Variants in MIER2 observed in about 807,000 individuals in gnomAD.
MIER2 encodes the protein MIER family member 2.
Under a neutral mutation model 67.6 loss-of-function variants are expected in MIER2, and 30 were observed. The ratio of observed to expected loss-of-function variants is 0.44; its 90% confidence interval spans 0.33 to 0.60. The LOEUF is 0.60. MIER2 is among the 20% of genes least tolerant of loss of function. The pLI is 0.02. For synonymous variants in MIER2, 372 were observed against 312.6 expected, an observed-to-expected ratio of 1.19 and a Z score of -2.00; for missense variants, 702 against 745.1, an observed-to-expected ratio of 0.94 and a Z score of 0.67.
At chr19:326,652 C>A (rs535915589) in intron 5 of MIER2, 54 bp from the exon 6 acceptor site, 1 of 1,388,808 alleles carries the variant, frequency 7.2e-7, no homozygotes, top group Admixed American at 1.7e-5. Flanking sequence ...GCAGCCTATA[C>A]AACCCCTTCT....
intron 5 of MIER2, 47 bp from the exon 6 acceptor site, chr19:326,645 G>A: frequency 6.9e-7 from 1 of 1,449,400 alleles, no homozygotes; most frequent in Non-Finnish European, 9.7e-7. Flanking sequence ...ACTGCCTGCA[G>A]CCTATACAAC....
intron 7 of MIER2, among the ~76,000 whole-genome samples, chr19:316,282 T>C (rs1338553295): frequency 6.6e-6 from 1 of 151,382 alleles, no homozygotes; most frequent in African/African-American, 2.4e-5. Flanking sequence ...AATGTTATCA[T>C]CTTGTGATAT....
Position 306,686 on chromosome 19 carries a change from G to A in MIER2, c.*4C>T, listed in dbSNP as rs1970665932. Reference sequence around the variant, plus strand: ...GGGCCGCATACGCCGCCCGCGGCCAGGAGTCAGCAGGTCATCACGTTACAG... The same window carrying A: ...GGGCCGCATACGCCGCCCGCGGCCAAGAGTCAGCAGGTCATCACGTTACAG... On this transcript the variant is annotated 3_prime_UTR_variant, in exon 14 of 14. Coordinates refer to ENST00000264819, the MANE Select transcript of MIER2 (RefSeq NM_017550.3). The A allele has an allele frequency of 6.4e-7, 1 of 1,558,348 alleles. No homozygotes were observed. Among genetic ancestry groups the A allele is most frequent in the East Asian group, 2.4e-5 (1 of 41,220 alleles).
At chr19:326,920 T>C in intron 5 of MIER2, 1 of 640,458 alleles carries the variant, frequency 1.6e-6, no homozygotes, top group Non-Finnish European at 2.6e-6. Context: ...TGTTCCCTAC[T>C]TGTTTAAACC....
chr19:331,479 G>A (rs529688852), intron 3 of MIER2, among the ~76,000 whole-genome samples: 2 of 151,982 alleles, frequency 1.3e-5, no homozygotes, highest in African/African-American at 2.4e-5. Flanking sequence ...ACCAACCCTA[G>A]CAACATAGCA....
chr19:310,646 A>C, intron 10 of MIER2, among the ~76,000 whole-genome samples: 1 of 79,668 alleles, frequency 1.3e-5, no homozygotes, highest in African/African-American at 7.2e-5. Context: ...AACAGCCCAG[A>C]GTCCAGAAAC....
intron 10 of MIER2, among the ~76,000 whole-genome samples, chr19:310,610 A>G (rs754258084): frequency 0.17 from 8,676 of 50,566 alleles, 153 homozygotes; most frequent in African/African-American, 0.37. Flanking sequence ...GCCGGGAGCT[A>G]TAGAAACACA....
chr19:339,652 G>A (rs955918595), intron 1 of MIER2, among the ~76,000 whole-genome samples: 16 of 152,308 alleles, frequency 1.1e-4, no homozygotes, highest in East Asian at 1.9e-4. Flanking sequence ...AAAGAAGGAC[G>A]CACTGACACA....
intron 10 of MIER2, among the ~76,000 whole-genome samples, chr19:309,542 C>T (rs192454078): frequency 6.6e-6 from 1 of 152,088 alleles, no homozygotes; most frequent in East Asian, 1.9e-4. Context: ...GCCAAACACA[C>T]ATGCACACAG....
At chr19:344,292 A>T in intron 1 of MIER2, 2 of 984,724 alleles carry the variant, frequency 2.0e-6, no homozygotes, top group Non-Finnish European at 2.4e-6. Context: ...CGGGCGGCGG[A>T]GGCGCGGTGG....
Position 307,480 on chromosome 19 carries a change from C to G in MIER2, c.1255G>C (p.Asp419His). The stretch of plus-strand genomic sequence containing the variant: ...CCTGGCTCCGAGGACGGGAGTCCAT[C>G]AGAGGCCACTCCGGGCTCATCGAGA... ...GGLDEPGVAS[D>H]GLPSSEPGPC... Residue 419 changes from aspartate (D) to histidine (H), a missense_variant, in exon 13 of 14, where the codon GAT becomes CAT. Physicochemically the swap from Asp to His is moderately conservative, Grantham distance 81 (BLOSUM62 -1). Transcript: ENST00000264819. The G allele has an allele frequency of 6.5e-7, 1 of 1,548,442 alleles. No individual in the cohort carries two copies. Among genetic ancestry groups the G allele is most frequent in the Non-Finnish European group, 8.7e-7 (1 of 1,150,542 alleles).
chr19:328,342 T>C (rs1457798113), intron 3 of MIER2, among the ~76,000 whole-genome samples: 1 of 151,758 alleles, frequency 6.6e-6, no homozygotes, highest in African/African-American at 2.4e-5. Flanking sequence ...AATTTACTAT[T>C]GTAACTCAAC....
At chr19:311,727 G>A (rs1971011819) in intron 10 of MIER2, 118 bp downstream of exon 10, 1 of 905,882 alleles carries the variant, frequency 1.1e-6, no homozygotes, top group African/African-American at 1.7e-5. Context: ...CGGTGAGGAG[G>A]CGGACACAGG....
intron 1 of MIER2, among the ~76,000 whole-genome samples, chr19:337,870 C>CAAAAA (rs34553732): frequency 0.024 from 897 of 37,072 alleles, 154 homozygotes; most frequent in African/African-American, 0.12. Context: ...CTCCATCTCA[C>CAAAAA]AAAAAAAAAA....
At chr19:338,018 A>T (rs751059850) in intron 1 of MIER2, among the ~76,000 whole-genome samples, 2 of 151,464 alleles carry the variant, frequency 1.3e-5, no homozygotes, top group African/African-American at 2.4e-5. Context: ...CTAAAAATGT[A>T]AAAATTAGCT....
rs562127069 is a variant in MIER2, at chr19:336,900, T to C, written c.10-727A>G. Among the ~76,000 whole-genome samples, 4 of 152,200 alleles carry C rather than the reference T, an allele frequency of 2.6e-5. No individual in the cohort carries two copies. The East Asian group carries it at 7.7e-4, about 29-fold the overall frequency. On this transcript the variant is annotated intron_variant, in intron 1 of 13. Transcript: ENST00000264819. Reference sequence around the variant, plus strand: ...CTCTGTCGCCCAGGCTGGAGTGCAGTGGCGCAATCTTGGCTCACTGCAACC... The same window carrying C: ...CTCTGTCGCCCAGGCTGGAGTGCAGCGGCGCAATCTTGGCTCACTGCAACC...
At chr19:339,150 G>GC (rs1270987702) in intron 1 of MIER2, among the ~76,000 whole-genome samples, 2 of 149,168 alleles carry the variant, frequency 1.3e-5, no homozygotes, top group Non-Finnish European at 3.0e-5. Context: ...TTCAAAGGAC[G>GC]CCCCCAAGAA....
In MIER2 at chr19:344,324, G is replaced by C. The variant is rs1011372913; in HGVS notation, c.9+450C>G. 3.7e-5 allele frequency: 36 copies of C among 984,940 alleles called. No individual in the cohort carries two copies. The African/African-American group carries it at 6.3e-4, about 17-fold the overall frequency. The allele number at this position is 984,940 out of a possible 1,614,324, so 61.0% of individuals were successfully genotyped here. ...GTGGGTCCACCGGGATCCCGATGGG[G>C]AGCGCGGGGCGCCTGGCGGCCCCAG... On this transcript the variant is annotated intron_variant, in intron 1 of 13. Coordinates refer to ENST00000264819, the MANE Select transcript of MIER2 (RefSeq NM_017550.3).
At chr19:321,162 G>T (rs72984471) in intron 7 of MIER2, among the ~76,000 whole-genome samples, 22,730 of 152,080 alleles carry the variant, frequency 0.15, 2,191 homozygotes, top group African/African-American at 0.26. Flanking sequence ...ATCTGCTGGC[G>T]CCTGACCGTA....
Sources: gnomAD v4.1 joint callset for allele counts (sites outside exome capture counted in the v4.1 genomes callset) on GRCh38, gnomAD v4.1.1 for gene constraint, MANE v1.5 for transcripts, NCBI Gene and HGNC (gene_info 2026-07-23, HGNC 2026-07-21) for gene names.